Variants in STOM observed in about 807,000 individuals in gnomAD.
STOM encodes erythrocyte band 7 integral membrane protein.
Under a neutral mutation model 30.6 loss-of-function variants are expected in STOM, and 25 were observed. The ratio of observed to expected loss-of-function variants is 0.82; its 90% CI spans 0.60 to 1.14. The LOEUF (loss-of-function observed/expected upper bound fraction) is 1.14. Ranked by LOEUF, STOM falls within the 50% of genes most tolerant of loss-of-function variation. The pLI is 0.00. For missense variants in STOM, 292 were observed against 365.2 expected (o/e 0.80, Z 1.63); for synonymous variants, 118 against 130.8 (o/e 0.90, Z 0.67).
chr9:121,353,265 G>A lies in STOM; in HGVS notation c.276C>T (p.Ile92=). The stretch of plus-strand genomic sequence containing the variant: ...ATGAAATAGTTCTCATGTCCACTTT[G>A]ATGAAGCTGTCAGTGCATGGCAGAA... ...FFILPCTDSF[I]KVDMRTISFD... The change falls in exon 4 of 7, where the codon ATC becomes ATT. Residue 92 remains isoleucine (I), a synonymous_variant. Transcript: ENST00000286713. 6.2e-7 allele frequency: 1 copy of A among 1,612,088 alleles called. No individual in the cohort carries two copies. The highest frequency in any genetic ancestry group is 8.5e-7 in the Non-Finnish European group (1 of 1,179,162).
chr9:121,354,634 C>T lies in STOM; in HGVS notation c.205G>A (p.Gly69Ser). 1 of 1,612,612 alleles carries T rather than the reference C, an allele frequency of 6.2e-7. No homozygotes were observed. The highest frequency in any genetic ancestry group is 8.5e-7 in the Non-Finnish European group (1 of 1,179,174). Residue 69 changes from glycine to serine, a missense_variant, in exon 3 of 7, where the codon GGT becomes AGT. By Grantham distance (56) the Gly-to-Ser change is moderately conservative (BLOSUM62 0). Coordinates refer to ENST00000286713, the MANE Select transcript of STOM (RefSeq NM_004099.6). ...TTGGCTCCTCCTTGTAAAATGCGAC[C>T]CAATCTAAAGATGATGGCTCTTTCA... is the stretch of plus-strand genomic sequence containing the variant. Reference protein sequence around the residue: ...EYERAIIFRLGRILQGGAKGP... With the variant: ...EYERAIIFRLSRILQGGAKGP...
intron 1 of STOM, chr9:121,366,020 C>T (rs752687937): frequency 5.8e-5 from 40 of 692,956 alleles, no homozygotes; most frequent in Non-Finnish European, 6.6e-5. Flanking sequence ...TTGGACCATC[C>T]TTCATACAAA....
Position 121,340,178 on chromosome 9 carries a change from TG to T in STOM, c.*1023del. The T allele has an allele frequency of 1.0e-6, 1 of 985,440 alleles. No homozygotes were observed. The highest frequency in any genetic ancestry group is 1.2e-6 in the Non-Finnish European group (1 of 829,940). 61.0% of individuals were successfully genotyped at this position (985,440 alleles called of 1,614,324 possible). On this transcript the variant is annotated 3_prime_UTR_variant, in exon 7 of 7. Coordinates refer to ENST00000286713, the MANE Select transcript of STOM (RefSeq NM_004099.6). Reference sequence around the variant, plus strand: ...AGCACTTTTGTGACAAATATTTAGCTGGTTTGAAAGACAGAACAAGGAGGAA... The same window carrying T: ...AGCACTTTTGTGACAAATATTTAGCTGTTTGAAAGACAGAACAAGGAGGAA...
At chr9:121,354,796 G>T (rs1324054463) in intron 2 of STOM, 123 bp from the exon 3 acceptor site, 2 of 622,062 alleles carry the variant, frequency 3.2e-6, no homozygotes, top group East Asian at 6.0e-5. Flanking sequence ...TTTAGAACCA[G>T]ATCATATCTA....
intron 4 of STOM, 61 bp from the exon 5 acceptor site, chr9:121,349,384 G>A: frequency 6.9e-7 from 1 of 1,448,550 alleles, no homozygotes; most frequent in South Asian, 1.2e-5. Context: ...ATAACTGTAA[G>A]GAATGTTATT....
intron 6 of STOM, among the ~76,000 whole-genome samples, chr9:121,346,687 A>G (rs1449147405): frequency 6.6e-6 from 1 of 152,212 alleles, no homozygotes; most frequent in African/African-American, 2.4e-5. Flanking sequence ...AGAAAGCACT[A>G]GAGGGTTCTG....
chr9:121,366,494 C>A (rs1288055493), intron 1 of STOM, among the ~76,000 whole-genome samples: 1 of 151,996 alleles, frequency 6.6e-6, no homozygotes, highest in East Asian at 1.9e-4. Context: ...CAATTATAAT[C>A]CTTTTATTGA....
chr9:121,369,346 T>TG (rs2064538278), intron 1 of STOM, among the ~76,000 whole-genome samples: 1 of 151,982 alleles, frequency 6.6e-6, no homozygotes, highest in Non-Finnish European at 1.5e-5. Context: ...AGCTCCTGAG[T>TG]GGGTACCAGG....
intron 1 of STOM, among the ~76,000 whole-genome samples, chr9:121,363,405 C>T (rs1045738367): frequency 6.6e-6 from 1 of 151,942 alleles, no homozygotes; most frequent in African/African-American, 2.4e-5. Flanking sequence ...TTACTTTTGG[C>T]CACTATGATT....
Position 121,348,117 on chromosome 9 carries a change from TC to T in STOM, c.557del (p.Gly186GlufsTer2). 6.2e-7 allele frequency: 1 copy of T among 1,614,144 alleles called. No individual in the cohort carries two copies. The highest frequency in any genetic ancestry group is 8.5e-7 in the Non-Finnish European group (1 of 1,180,016). On this transcript the variant is annotated frameshift_variant, in exon 6 of 7. Transcript: ENST00000286713. LOFTEE classifies it high-confidence loss of function. ...STLDDATDAW[G>X]IKVERVEIKD... ...TAATTTCCACACGCTCCACCTTTAT[TC>T]CCCAGGCATCAGTGGCATCATCCAG...
At chr9:121,353,073 A>G (rs530473916) in intron 4 of STOM, 147 bp downstream of exon 4, 1 of 368,604 alleles carries the variant, frequency 2.7e-6, no homozygotes, top group African/African-American at 2.1e-5. Flanking sequence ...AGCCTGGGTG[A>G]CAGAGCAAGA....
chr9:121,347,507 T>C (rs1008278919), intron 6 of STOM, among the ~76,000 whole-genome samples: 3 of 151,172 alleles, frequency 2.0e-5, no homozygotes, highest in Non-Finnish European at 4.4e-5. Flanking sequence ...TAGGAAACAG[T>C]AAAAGGGAAA....
chr9:121,355,021 A>G (rs975615600), intron 2 of STOM, among the ~76,000 whole-genome samples: 5 of 152,056 alleles, frequency 3.3e-5, no homozygotes, highest in African/African-American at 1.2e-4. Context: ...GCATTTTGGA[A>G]GGCCGAGGTG....
Position 121,354,662 on chromosome 9 carries a change from C to T in STOM, c.177G>A (p.Glu59=), listed in dbSNP as rs1465121856. The T allele has an allele frequency of 4.4e-6, 7 of 1,608,844 alleles. No individual in the cohort carries two copies. Among genetic ancestry groups the T allele is most frequent in the South Asian group, 1.1e-5 (1 of 90,222 alleles). The change falls in exon 3 of 7, where the codon GAG becomes GAA. Residue 59 remains glutamate (E), a synonymous_variant. Transcript: ENST00000286713. ...ATCTAAAGATGATGGCTCTTTCATA[C>T]TCTTTTATAATCTAGAATAAAAACA... ...SIWMCIKIIK[E]YERAIIFRLG...
chr9:121,364,185 C>G (rs914627334), intron 1 of STOM, among the ~76,000 whole-genome samples: 3 of 152,096 alleles, frequency 2.0e-5, no homozygotes, highest in Admixed American at 6.5e-5. Flanking sequence ...CACATGGTAG[C>G]GTCTCGATAA....
intron 2 of STOM, among the ~76,000 whole-genome samples, chr9:121,355,188 C>G (rs917080531): frequency 6.8e-6 from 1 of 146,356 alleles, no homozygotes; most frequent in African/African-American, 2.5e-5. Context: ...GAACCGAGAT[C>G]GCACCACTGC....
At chr9:121,356,709 G>A (rs1194106907) in intron 1 of STOM, among the ~76,000 whole-genome samples, 3 of 152,184 alleles carry the variant, frequency 2.0e-5, no homozygotes, top group East Asian at 1.9e-4. Flanking sequence ...GAGGCTGGGC[G>A]TCGTGGCTCA....
In STOM at chr9:121,353,118, T is replaced by C. The variant is rs551827313; in HGVS notation, c.321+102A>G. 5 of 525,692 alleles carry C rather than the reference T, an allele frequency of 9.5e-6. No individual in the cohort carries two copies. In the East Asian group the frequency reaches 1.1e-4, roughly 12 times the overall value. The allele number at this position is 525,692 out of a possible 1,614,324, so 32.6% of individuals were successfully genotyped here. A position where few individuals can be genotyped will look rare whatever the true frequency, so the allele number is the denominator to read the frequency against. On this transcript the variant is annotated intron_variant, in intron 4 of 6. Transcript: ENST00000286713. ...AAACAAACAAACAAACAAACAAAAA[T>C]TTAAAATAAATAAATAAATAAAGCC...
At position 121,351,647 on chromosome 9, in the gene STOM, T is replaced by C. The variant is rs191962794; in HGVS notation, c.321+1573A>G. ...TTTTCGGGGGCTATGAGGGAGCTCA[T>C]GTACAATGCATTTAGCATGGAGCTG... On this transcript the variant is annotated intron_variant, in intron 4 of 6. Transcript: ENST00000286713. 6.6e-5 allele frequency among the ~76,000 whole-genome samples: 10 copies of C among 152,366 alleles called. No homozygotes were observed. The East Asian group carries it at 1.5e-3, about 23-fold the overall frequency.
Sources: gnomAD v4.1 joint callset for allele counts (sites outside exome capture counted in the v4.1 genomes callset) on GRCh38, gnomAD v4.1.1 for gene constraint, MANE v1.5 for transcripts, NCBI Gene and HGNC (gene_info 2026-07-23, HGNC 2026-07-21) for gene names.